TTLL11: variants seen among roughly 807,000 people sequenced by gnomAD.
The protein encoded by TTLL11 is tubulin polyglutamylase TTLL11.
In TTLL11, 42 loss-of-function variants were observed where a neutral mutation model predicts 51.7. The ratio of observed to expected loss-of-function variants is 0.81; its 90% CI spans 0.64 to 1.05. The LOEUF is 1.05. Among genes scored for constraint, TTLL11 ranks in the 50% least tolerant of loss-of-function variants. The pLI, the probability that TTLL11 is intolerant of heterozygous loss-of-function variation, is 0.00. For synonymous variants in TTLL11, 381 were observed against 383.5 expected, an observed-to-expected ratio of 0.99 and a Z score of 0.08; for missense variants, 799 against 940.4, an observed-to-expected ratio of 0.85 and a Z score of 1.97.
chr9:121,826,568 T>TACAC (rs1254604843), intron 8 of TTLL11, among the ~76,000 whole-genome samples: 1 of 118,978 alleles, frequency 8.4e-6, no homozygotes, highest in African/African-American at 3.3e-5. Context: ...TATATATATA[T>TACAC]ATATATATAT....
chr9:121,867,788 C>A (rs1838224160), intron 7 of TTLL11, among the ~76,000 whole-genome samples: 1 of 152,072 alleles, frequency 6.6e-6, no homozygotes, highest in African/African-American at 2.4e-5. Context: ...TGAGCTACCG[C>A]CCTGTGACTC....
At chr9:121,833,166 G>A (rs924600291) in intron 8 of TTLL11, among the ~76,000 whole-genome samples, 4 of 152,204 alleles carry the variant, frequency 2.6e-5, no homozygotes, top group African/African-American at 4.8e-5. Flanking sequence ...AAGATAAGCT[G>A]TTGAGTATTT....
chr9:121,934,780 A>C (rs1438501009), intron 6 of TTLL11, among the ~76,000 whole-genome samples: 1 of 152,174 alleles, frequency 6.6e-6, no homozygotes, highest in Non-Finnish European at 1.5e-5. Flanking sequence ...TATCATCCAG[A>C]ATATTAAAAA....
At chr9:121,983,486 A>AG (rs1433341841) in intron 4 of TTLL11, among the ~76,000 whole-genome samples, 3 of 152,166 alleles carry the variant, frequency 2.0e-5, no homozygotes, top group African/African-American at 7.2e-5. Flanking sequence ...GATTGTGAAT[A>AG]GGGGGACACC....
chr9:121,841,605 G>A (rs1029530295), intron 8 of TTLL11, among the ~76,000 whole-genome samples: 1 of 152,112 alleles, frequency 6.6e-6, no homozygotes, highest in African/African-American at 2.4e-5. Flanking sequence ...GGGGCCTCCC[G>A]GGCTGAGGAC....
At chr9:122,056,763 C>T (rs1020077262) in intron 1 of TTLL11, among the ~76,000 whole-genome samples, 3 of 152,192 alleles carry the variant, frequency 2.0e-5, no homozygotes, top group Non-Finnish European at 4.4e-5. Flanking sequence ...CCTGGGTGTC[C>T]ATGTCTATGT....
intron 7 of TTLL11, among the ~76,000 whole-genome samples, chr9:121,863,398 C>T (rs1224970499): frequency 3.3e-5 from 5 of 152,208 alleles, no homozygotes; most frequent in East Asian, 1.9e-4. Context: ...AAGTCAGGAG[C>T]GCTGCCTAGC....
chr9:121,920,300 TA>T (rs986468797), intron 6 of TTLL11, among the ~76,000 whole-genome samples: 22 of 152,134 alleles, frequency 1.4e-4, no homozygotes, highest in Admixed American at 5.2e-4. Flanking sequence ...AGACTCTGTT[TA>T]AAAAAAATTT....
chr9:121,859,935 T>A (rs1473912992), intron 8 of TTLL11, among the ~76,000 whole-genome samples: 2 of 152,342 alleles, frequency 1.3e-5, no homozygotes, highest in East Asian at 3.9e-4. Context: ...GAGCCAGGCA[T>A]CCTACTACCT....
At position 121,951,723 on chromosome 9, in the gene TTLL11, G is replaced by A. The variant is rs1369197006; in HGVS notation, c.1481+22286C>T. On this transcript the variant is annotated intron_variant, in intron 6 of 8. Coordinates refer to ENST00000321582, the MANE Select transcript of TTLL11 (RefSeq NM_001139442.2). ...GGTTTCTTGGACCTCCCGCAGGAAA[G>A]AATTCAGGGCGAGTCCGAGTAAAGT... is the stretch of plus-strand genomic sequence containing the variant. 2.0e-5 allele frequency among the ~76,000 whole-genome samples: 3 copies of A among 152,202 alleles called. No individual in the cohort carries two copies. The East Asian group carries it at 5.8e-4, about 29-fold the overall frequency.
chr9:122,035,185 C>T (rs1474550025), intron 2 of TTLL11, among the ~76,000 whole-genome samples: 2 of 152,198 alleles, frequency 1.3e-5, no homozygotes, highest in Admixed American at 6.5e-5. Flanking sequence ...GGGCTGGAAT[C>T]CTCCTGTCTG....
intron 3 of TTLL11, among the ~76,000 whole-genome samples, chr9:122,003,554 G>A (rs938225943): frequency 7.0e-6 from 1 of 143,396 alleles, no homozygotes; most frequent in Admixed American, 7.2e-5. Flanking sequence ...GTGCAATCTC[G>A]GCTCACTGCA....
At chr9:121,957,155 T>C (rs7852341) in intron 6 of TTLL11, among the ~76,000 whole-genome samples, 11,736 of 151,328 alleles carry the variant, frequency 0.078, 681 homozygotes, top group African/African-American at 0.16. Flanking sequence ...AACCCCTCCC[T>C]CAGGGCAGGA....
At chr9:121,950,424 C>T (rs1841817901) in intron 6 of TTLL11, among the ~76,000 whole-genome samples, 1 of 152,234 alleles carries the variant, frequency 6.6e-6, no homozygotes, top group East Asian at 1.9e-4. Context: ...AACCCCTGTC[C>T]CAAAGCCTGA....
intron 6 of TTLL11, among the ~76,000 whole-genome samples, chr9:121,929,569 C>G (rs1243015369): frequency 6.6e-6 from 1 of 151,890 alleles, no homozygotes; most frequent in African/African-American, 2.4e-5. Context: ...TAGACACAAA[C>G]GGAGCATGCT....
chr9:122,044,859 C>T (rs1028710943), intron 1 of TTLL11, among the ~76,000 whole-genome samples: 1 of 152,126 alleles, frequency 6.6e-6, no homozygotes, highest in Non-Finnish European at 1.5e-5. Flanking sequence ...CCTGTAATCA[C>T]AGCACTTTGG....
chr9:121,982,560 T>C (rs1264410495), intron 4 of TTLL11, among the ~76,000 whole-genome samples: 3 of 151,884 alleles, frequency 2.0e-5, no homozygotes, highest in East Asian at 1.9e-4. Context: ...CTACTAAAAA[T>C]ATTTTTTAAA....
intron 8 of TTLL11, among the ~76,000 whole-genome samples, chr9:121,823,158 T>C (rs191783193): frequency 6.6e-6 from 1 of 152,270 alleles, no homozygotes; most frequent in Admixed American, 6.5e-5. Flanking sequence ...GGAAGTTGAG[T>C]CTCAGAGACA....
At chr9:122,067,007 A>G (rs1337765097) in intron 1 of TTLL11, among the ~76,000 whole-genome samples, 3 of 152,120 alleles carry the variant, frequency 2.0e-5, no homozygotes, top group Non-Finnish European at 4.4e-5. Flanking sequence ...TGATTCAATT[A>G]CCTTCACCTG....
Sources: allele counts gnomAD v4.1 joint callset (sites outside exome capture counted in the v4.1 genomes callset), GRCh38; gene constraint gnomAD v4.1.1; transcripts MANE v1.5; gene names NCBI Gene and HGNC (gene_info 2026-07-23, HGNC 2026-07-21).